The following XKR4 variants were observed in gnomAD, a reference collection of about 807,000 sequenced individuals.
The protein encoded by XKR4 is XK related 4, also known as XK-related protein 4.
In XKR4, 12 loss-of-function variants were observed where a neutral mutation model predicts 53.9. The ratio of observed to expected loss-of-function variants is 0.22; its 90% CI spans 0.14 to 0.36. The LOEUF (loss-of-function observed/expected upper bound fraction) is 0.36. XKR4 is among the 10% of genes least tolerant of loss of function. The probability of loss-of-function intolerance (pLI) is 1.00; values close to 1 mark genes in which losing one functional copy is unlikely to be tolerated. For synonymous variants in XKR4, 354 were observed against 362.4 expected, an observed-to-expected ratio of 0.98 and a Z score of 0.26; for missense variants, 799 against 859.5, an observed-to-expected ratio of 0.93 and a Z score of 0.88.
At chr8:55,475,274 C>G (rs185179409) in intron 2 of XKR4, among the ~76,000 whole-genome samples, 93 of 152,064 alleles carry the variant, frequency 6.1e-4, no homozygotes, top group Middle Eastern at 3.4e-3. Flanking sequence ...ATGTGATGGC[C>G]CAGGGTTGTG....
chr8:55,459,782 A>G (rs1161656401), intron 2 of XKR4, among the ~76,000 whole-genome samples: 3 of 152,212 alleles, frequency 2.0e-5, no homozygotes, highest in Non-Finnish European at 4.4e-5. Context: ...AGGTGTTGGC[A>G]TGAATGTGAA....
intron 1 of XKR4, among the ~76,000 whole-genome samples, chr8:55,227,262 C>T (rs566165323): frequency 6.6e-6 from 1 of 152,302 alleles, no homozygotes; most frequent in Non-Finnish European, 1.5e-5. Flanking sequence ...GTGATGATCC[C>T]ACTACATTGT....
chr8:55,121,833 TACACACAC>T (rs35625262), intron 1 of XKR4, among the ~76,000 whole-genome samples: 17 of 148,792 alleles, frequency 1.1e-4, no homozygotes, highest in East Asian at 2.0e-4. Flanking sequence ...AATACAACAT[TACACACAC>T]ACACACACAC....
At position 55,537,939 on chromosome 8, in the gene XKR4, G is replaced by T. The variant is rs117416624; in HGVS notation, c.*13712G>T. On this transcript the variant is annotated 3_prime_UTR_variant, in exon 3 of 3. Coordinates refer to ENST00000327381, the MANE Select transcript of XKR4 (RefSeq NM_052898.2). ...GTTTAGTTGAATCAGCAACAAAGAC[G>T]TGACAACCTATTGTCCTCCACAAAA... 1 of 152,200 alleles carries T rather than the reference G, an allele frequency of 6.6e-6. No homozygotes were observed. Among genetic ancestry groups the T allele is most frequent in the Admixed American group, 6.5e-5 (1 of 15,290 alleles). 9.4% of individuals were successfully genotyped at this position (152,200 alleles called of 1,614,324 possible).
chr8:55,540,993 G>C lies in XKR4; in HGVS notation c.*16766G>C, dbSNP rs923585735. ...CATCTAATAGAAAAATAGAAACATC[G>C]TGCTTAGCATGAAACCATTGCACAA... On this transcript the variant is annotated 3_prime_UTR_variant, in exon 3 of 3. Transcript: ENST00000327381. The C allele has an allele frequency of 6.6e-6, 1 of 152,130 alleles. No homozygotes were observed. The highest frequency in any genetic ancestry group is 1.9e-4 in the East Asian group (1 of 5,182). 9.4% of individuals were successfully genotyped at this position (152,130 alleles called of 1,614,324 possible).
intron 1 of XKR4, among the ~76,000 whole-genome samples, chr8:55,344,548 G>A (rs1217885335): frequency 6.6e-6 from 1 of 151,772 alleles, no homozygotes; most frequent in Admixed American, 6.6e-5. Flanking sequence ...ATGTCAAATA[G>A]TAACCACTGC....
chr8:55,407,602 C>T (rs1482453054), intron 2 of XKR4, among the ~76,000 whole-genome samples: 2 of 152,186 alleles, frequency 1.3e-5, no homozygotes, highest in South Asian at 4.1e-4. Flanking sequence ...TCCACCGGCT[C>T]CACCGCACTC....
chr8:55,490,994 A>AG (rs1806264703), intron 2 of XKR4, among the ~76,000 whole-genome samples: 1 of 151,250 alleles, frequency 6.6e-6, no homozygotes, highest in Admixed American at 6.6e-5. Flanking sequence ...ATTGTTTCAT[A>AG]GCTTACTGAG....
intron 1 of XKR4, among the ~76,000 whole-genome samples, chr8:55,328,689 G>A (rs1803331787): frequency 6.6e-6 from 1 of 152,130 alleles, no homozygotes; most frequent in Non-Finnish European, 1.5e-5. Flanking sequence ...TCATAGTGAT[G>A]CCACCGCATG....
intron 2 of XKR4, chr8:55,451,116 A>C: frequency 1.9e-6 from 1 of 520,670 alleles, no homozygotes; most frequent in East Asian, 4.0e-5. Flanking sequence ...GTCCCCGAGG[A>C]TGTAGAGGGC....
At chr8:55,269,509 A>C (rs1818657778) in intron 1 of XKR4, among the ~76,000 whole-genome samples, 1 of 152,194 alleles carries the variant, frequency 6.6e-6, no homozygotes, top group South Asian at 2.1e-4. Flanking sequence ...ATGTGGTATT[A>C]TCAGAGTTGT....
chr8:55,421,909 C>T (rs575944587), intron 2 of XKR4, among the ~76,000 whole-genome samples: 2 of 152,188 alleles, frequency 1.3e-5, no homozygotes, highest in African/African-American at 2.4e-5. Flanking sequence ...TCCAGCCCCA[C>T]CTTTGTCTTC....
chr8:55,460,554 T>C (rs2975971), intron 2 of XKR4, among the ~76,000 whole-genome samples: 65,446 of 151,942 alleles, frequency 0.43, 14,393 homozygotes, highest in East Asian at 0.53. Flanking sequence ...CCAGCATGAG[T>C]GACACAGAAG....
chr8:55,390,455 C>G (rs1804429385), intron 2 of XKR4, among the ~76,000 whole-genome samples: 1 of 152,132 alleles, frequency 6.6e-6, no homozygotes, highest in Admixed American at 6.6e-5. Context: ...CAACATACAT[C>G]ATAGTTTACA....
chr8:55,516,155 G>A (rs1806710317), intron 2 of XKR4, among the ~76,000 whole-genome samples: 2 of 152,164 alleles, frequency 1.3e-5, no homozygotes, highest in Non-Finnish European at 2.9e-5. Context: ...TGTGCACAAA[G>A]CAAGGGCCCA....
chr8:55,529,820 C>T lies in XKR4; in HGVS notation c.*5593C>T, dbSNP rs537471080. 71 of 152,160 alleles carry T rather than the reference C, an allele frequency of 4.7e-4. No homozygotes were observed. Among genetic ancestry groups the T allele is most frequent in the Middle Eastern group, 3.4e-3 (1 of 294 alleles). The allele number at this position is 152,160 out of a possible 1,614,324, so 9.4% of individuals were successfully genotyped here. ...AGTCAAAGATGTCCTTCAAAATGAA[C>T]AGTTAAAAATGTAAAAGTCGATGTA... On this transcript the variant is annotated 3_prime_UTR_variant, in exon 3 of 3. Coordinates refer to ENST00000327381, the MANE Select transcript of XKR4 (RefSeq NM_052898.2).
At chr8:55,417,603 T>C (rs1382525174) in intron 2 of XKR4, among the ~76,000 whole-genome samples, 1 of 152,168 alleles carries the variant, frequency 6.6e-6, no homozygotes, top group Admixed American at 6.5e-5. Flanking sequence ...AGCTGTAGGG[T>C]ATTATCATTT....
At chr8:55,239,353 C>T (rs1422737780) in intron 1 of XKR4, among the ~76,000 whole-genome samples, 2 of 152,204 alleles carry the variant, frequency 1.3e-5, no homozygotes, top group East Asian at 3.8e-4. Context: ...TCAATAAAGC[C>T]TGTGCTCAAC....
intron 1 of XKR4, among the ~76,000 whole-genome samples, chr8:55,349,042 A>G: frequency 6.6e-6 from 1 of 152,202 alleles, no homozygotes; most frequent in Non-Finnish European, 1.5e-5. Flanking sequence ...TTAAGGTATC[A>G]TTGCTACTTT....
Sources: allele counts gnomAD v4.1 joint callset (sites outside exome capture counted in the v4.1 genomes callset), GRCh38; gene constraint gnomAD v4.1.1; transcripts MANE v1.5; gene names NCBI Gene and HGNC (gene_info 2026-07-23, HGNC 2026-07-21).